The following TAFA2 variants were observed in gnomAD, a reference collection of about 807,000 sequenced individuals.
TAFA2 encodes the protein TAFA chemokine like family member 2.
Under a neutral mutation model 18.8 loss-of-function variants are expected in TAFA2, and 7 were observed. That is an observed-to-expected ratio of 0.37 (90% CI 0.21 to 0.70). The LOEUF is 0.70. TAFA2 is among the 30% of genes least tolerant of loss of function. The pLI, the probability that TAFA2 is intolerant of heterozygous loss-of-function variation, is 0.53. For synonymous variants in TAFA2, 60 were observed against 54.2 expected (o/e 1.11, Z -0.47); for missense variants, 122 against 158.1 (o/e 0.77, Z 1.23).
At chr12:62,247,479 G>A (rs2062892185) in intron 1 of TAFA2, among the ~76,000 whole-genome samples, 1 of 152,118 alleles carries the variant, frequency 6.6e-6, no homozygotes, top group African/African-American at 2.4e-5. Flanking sequence ...TTGTAGACAA[G>A]CTCCTCGAGT....
intron 1 of TAFA2, among the ~76,000 whole-genome samples, chr12:61,893,359 C>T (rs1216784769): frequency 2.0e-5 from 3 of 152,144 alleles, no homozygotes; most frequent in South Asian, 2.1e-4. Flanking sequence ...GAAGTGAATA[C>T]AATGAATATA....
chr12:61,980,259 C>A (rs1879584352), intron 1 of TAFA2, among the ~76,000 whole-genome samples: 1 of 152,108 alleles, frequency 6.6e-6, no homozygotes, highest in Non-Finnish European at 1.5e-5. Flanking sequence ...AACAGCGCTT[C>A]ATGCTAAAAA....
intron 2 of TAFA2, among the ~76,000 whole-genome samples, chr12:61,856,114 G>T (rs1873873114): frequency 6.6e-6 from 1 of 151,824 alleles, no homozygotes; most frequent in African/African-American, 2.4e-5. Flanking sequence ...CAAGGGTAAA[G>T]AAACTATCTT....
At chr12:61,734,163 G>A (rs1401983628) in intron 4 of TAFA2, among the ~76,000 whole-genome samples, 1 of 151,554 alleles carries the variant, frequency 6.6e-6, no homozygotes, top group Non-Finnish European at 1.5e-5. Context: ...TCAGCTTAAG[G>A]AGATTTTGGG....
intron 1 of TAFA2, among the ~76,000 whole-genome samples, chr12:61,920,191 G>A (rs1277198414): frequency 3.3e-5 from 5 of 152,158 alleles, no homozygotes; most frequent in Non-Finnish European, 1.5e-5. Flanking sequence ...TCAATTGACA[G>A]TTAAATAAAT....
intron 2 of TAFA2, among the ~76,000 whole-genome samples, chr12:61,855,664 A>C (rs1359498080): frequency 6.6e-6 from 1 of 152,114 alleles, no homozygotes; most frequent in Non-Finnish European, 1.5e-5. Context: ...TATATTTTTA[A>C]ATTTCTGTAT....
intron 1 of TAFA2, among the ~76,000 whole-genome samples, chr12:62,178,366 G>A (rs2062528903): frequency 6.6e-6 from 1 of 152,108 alleles, no homozygotes; most frequent in Non-Finnish European, 1.5e-5. Context: ...GAGTATAAAA[G>A]GTCACCGTTT....
At chr12:61,933,990 C>A (rs923398858) in intron 1 of TAFA2, among the ~76,000 whole-genome samples, 1 of 152,140 alleles carries the variant, frequency 6.6e-6, no homozygotes, top group Non-Finnish European at 1.5e-5. Context: ...AAATTAGCAT[C>A]GAATTTTATT....
At chr12:61,802,066 C>T (rs1211938886) in intron 2 of TAFA2, among the ~76,000 whole-genome samples, 4 of 152,022 alleles carry the variant, frequency 2.6e-5, no homozygotes, top group African/African-American at 4.8e-5. Flanking sequence ...AGTGAGATTT[C>T]ATGTCACCCT....
intron 1 of TAFA2, among the ~76,000 whole-genome samples, chr12:62,116,316 G>T (rs1481414010): frequency 1.3e-5 from 2 of 152,144 alleles, no homozygotes; most frequent in Non-Finnish European, 2.9e-5. Context: ...TGAGAGCCAG[G>T]GAGAAAACAC....
intron 1 of TAFA2, among the ~76,000 whole-genome samples, chr12:61,925,902 G>A (rs997137923): frequency 2.4e-4 from 37 of 152,132 alleles, no homozygotes; most frequent in African/African-American, 8.9e-4. Context: ...AAAAATCAGT[G>A]AATCCAGGAG....
chr12:61,765,291 G>T (rs1467803065), intron 2 of TAFA2, among the ~76,000 whole-genome samples: 1 of 152,036 alleles, frequency 6.6e-6, no homozygotes, highest in Non-Finnish European at 1.5e-5. Flanking sequence ...CCATAAACCT[G>T]AGTCTCTGAA....
intron 2 of TAFA2, among the ~76,000 whole-genome samples, chr12:61,792,217 T>C (rs541283485): frequency 7.3e-5 from 11 of 151,310 alleles, no homozygotes; most frequent in Non-Finnish European, 1.5e-4. Flanking sequence ...CTGTGAAGGA[T>C]AGGGAAAAGG....
intron 1 of TAFA2, among the ~76,000 whole-genome samples, chr12:62,251,618 A>C (rs1182577095): frequency 6.6e-6 from 1 of 152,238 alleles, no homozygotes; most frequent in Non-Finnish European, 1.5e-5. Context: ...GAAAGGAAGC[A>C]AACAAGATTG....
chr12:62,207,064 T>A (rs990368858), intron 1 of TAFA2: 1 of 152,192 alleles, frequency 6.6e-6, no homozygotes, highest in African/African-American at 2.4e-5. Flanking sequence ...TAGGAAAACA[T>A]ACTTAATTTT....
chr12:62,021,281 T>A (rs1047229999), intron 1 of TAFA2, among the ~76,000 whole-genome samples: 8 of 152,122 alleles, frequency 5.3e-5, no homozygotes, highest in Non-Finnish European at 1.0e-4. Context: ...CTTCTTTTTT[T>A]AATTTTTTTT....
At chr12:61,914,360 G>A (rs1592482448) in intron 1 of TAFA2, among the ~76,000 whole-genome samples, 3 of 152,158 alleles carry the variant, frequency 2.0e-5, no homozygotes, top group African/African-American at 7.2e-5. Context: ...CAAAATATGG[G>A]TTGCACCTTC....
chr12:62,192,660 T>A lies in TAFA2; in HGVS notation c.-1403A>T, dbSNP rs999253976. On this transcript the variant is annotated 5_prime_UTR_variant, in exon 1 of 5. Transcript: ENST00000416284. ...ATAGTGCAGCGAGAATGCAGGAGAA[T>A]AGGTCCTGACACTCCAGGTTGAGTT... The A allele has an allele frequency of 6.6e-6, 1 of 152,258 alleles. No individual in the cohort carries two copies. Among genetic ancestry groups the A allele is most frequent in the Non-Finnish European group, 1.5e-5 (1 of 68,092 alleles). 9.4% of individuals were successfully genotyped at this position (152,258 alleles called of 1,614,324 possible).
chr12:61,899,826 A>G (rs1460677324), intron 1 of TAFA2, among the ~76,000 whole-genome samples: 1 of 152,180 alleles, frequency 6.6e-6, no homozygotes, highest in Non-Finnish European at 1.5e-5. Context: ...TATCACAACT[A>G]TTTATGTAGC....
Sources: gnomAD v4.1 joint callset for allele counts (sites outside exome capture counted in the v4.1 genomes callset) on GRCh38, gnomAD v4.1.1 for gene constraint, MANE v1.5 for transcripts, NCBI Gene and HGNC (gene_info 2026-07-23, HGNC 2026-07-21) for gene names.